KIRREL3: variants seen among roughly 807,000 people sequenced by gnomAD.
KIRREL3 encodes the protein kirre like nephrin family adhesion molecule 3, also known as kin of IRRE-like protein 3.
Under a neutral mutation model 89.7 loss-of-function variants are expected in KIRREL3, and 36 were observed. That is an observed-to-expected ratio of 0.40 (90% CI 0.31 to 0.53). The LOEUF is 0.53. KIRREL3 is among the 20% of genes least tolerant of loss of function. The pLI is 0.49. For synonymous variants in KIRREL3, 445 were observed against 441.4 expected (o/e 1.01, Z -0.10); for missense variants, 864 against 1,056.6 (o/e 0.82, Z 2.53).
intron 1 of KIRREL3, among the ~76,000 whole-genome samples, chr11:126,595,171 C>A (rs1268162023): frequency 6.6e-6 from 1 of 152,384 alleles, no homozygotes; most frequent in Admixed American, 6.5e-5. Flanking sequence ...GGCTCTTAAC[C>A]CACTTGTGGA....
chr11:126,677,728 C>T lies in KIRREL3; in HGVS notation c.56-114816G>A, dbSNP rs1243293874. On this transcript the variant is annotated intron_variant, in intron 1 of 16. Coordinates refer to ENST00000525144, the MANE Select transcript of KIRREL3 (RefSeq NM_032531.4). The surrounding 1 kb of genome is among the most constrained non-coding windows in gnomAD (Gnocchi z 5.1). ...CCCAGAATGAGTCCAGGGGAGCCCC[C>T]TGGACCAAAGCAGGACAGAGCTAAT... Among the ~76,000 whole-genome samples, 1 of 152,158 alleles carries T rather than the reference C, an allele frequency of 6.6e-6. No homozygotes were observed. The highest frequency in any genetic ancestry group is 1.5e-5 in the Non-Finnish European group (1 of 68,016).
rs1938685195 is a variant in KIRREL3, at chr11:126,544,969, A to G, written c.133+17866T>C. ...CAACATTGCCTTACGCAATCTAATA[A>G]ATTACTTGGTACCCGGCTGCCAGCT... On this transcript the variant is annotated intron_variant, in intron 2 of 16. Coordinates refer to ENST00000525144, the MANE Select transcript of KIRREL3 (RefSeq NM_032531.4). The surrounding 1 kb of genome is among the most constrained non-coding windows in gnomAD (Gnocchi z 5.6). Among the ~76,000 whole-genome samples the G allele has an allele frequency of 6.6e-6, 1 of 152,088 alleles. No individual in the cohort carries two copies. Among genetic ancestry groups the G allele is most frequent in the Non-Finnish European group, 1.5e-5 (1 of 68,018 alleles).
rs900396431 is a variant in KIRREL3, at chr11:126,995,042, T to C, written c.55+5413A>G. 6 of 374,200 alleles carry C rather than the reference T, an allele frequency of 1.6e-5. No individual in the cohort carries two copies. Among genetic ancestry groups the C allele is most frequent in the Non-Finnish European group, 2.1e-5 (4 of 188,508 alleles). The allele number at this position is 374,200 out of a possible 1,614,324, so 23.2% of individuals were successfully genotyped here. On this transcript the variant is annotated intron_variant, in intron 1 of 16. Coordinates refer to ENST00000525144, the MANE Select transcript of KIRREL3 (RefSeq NM_032531.4). The surrounding 1 kb of genome is among the most constrained non-coding windows in gnomAD (Gnocchi z 6.5). ...GCAGTCGATTCTCACATCATTCCTC[T>C]AACTGGAAATAAAAATCCCACTCTA... is the stretch of plus-strand genomic sequence containing the variant.
chr11:127,000,468 G>T lies in KIRREL3; in HGVS notation c.42C>A (p.Phe14Leu). 6.2e-7 allele frequency: 1 copy of T among 1,607,704 alleles called. No individual in the cohort carries two copies. Among genetic ancestry groups the T allele is most frequent in the Non-Finnish European group, 8.5e-7 (1 of 1,177,144 alleles). The change falls in exon 1 of 17, where the codon TTC becomes TTA. Residue 14 changes from phenylalanine (F) to leucine (L), a missense_variant. Physicochemically the swap from Phe to Leu is conservative, Grantham distance 22. Coordinates refer to ENST00000525144, the MANE Select transcript of KIRREL3 (RefSeq NM_032531.4). This position sits in a 1 kb window ranked among gnomAD's most constrained non-coding sequence, Gnocchi z 7.1. ...FQLDLLFVCF[F>L]LFSQELGLQK... is the part of the protein sequence containing the mutation. ...CAGGGGTCCTACCTTGACTGAAGAGGAAGAAGCAGACGAAGAGCAGATCGA... is the reference window on the plus strand; with the variant it reads ...CAGGGGTCCTACCTTGACTGAAGAGTAAGAAGCAGACGAAGAGCAGATCGA...
At position 126,991,711 on chromosome 11, in the gene KIRREL3, A is replaced by T. The variant is rs115304334; in HGVS notation, c.55+8744T>A. On this transcript the variant is annotated intron_variant, in intron 1 of 16. Transcript: ENST00000525144. This position sits in a 1 kb window ranked among gnomAD's most constrained non-coding sequence, Gnocchi z 5.8. ...TTCGAAGGTCAGACCTGGGATTCGG[A>T]TGCATGATTTTCATAGGAAACTCCC... Among the ~76,000 whole-genome samples, 915 of 152,302 alleles carry T rather than the reference A, an allele frequency of 6.0e-3. 6 individuals carry two copies. The highest frequency in any genetic ancestry group is 0.021 in the African/African-American group (857 of 41,558).
rs1950072470 is a variant in KIRREL3, at chr11:126,773,267, G to GTTAACCTCATCCT, written c.56-210356_56-210355insAGGATGAGGTTAA. ...ATGAGGTTAACACTCTTGAATCAGG[G>GTTAACCTCATCCT]GACTGAGTGAAGTCAATACAGTGTG... On this transcript the variant is annotated intron_variant, in intron 1 of 16. Transcript: ENST00000525144. The surrounding 1 kb of genome is among the most constrained non-coding windows in gnomAD (Gnocchi z 4.2). 6.6e-6 allele frequency among the ~76,000 whole-genome samples: 1 copy of GTTAACCTCATCCT among 152,140 alleles called. No homozygotes were observed. Among genetic ancestry groups the GTTAACCTCATCCT allele is most frequent in the African/African-American group, 2.4e-5 (1 of 41,434 alleles).
chr11:126,778,879 T>A lies in KIRREL3; in HGVS notation c.56-215967A>T, dbSNP rs7948711. 3.5e-4 allele frequency among the ~76,000 whole-genome samples: 53 copies of A among 152,190 alleles called. No individual in the cohort carries two copies. Among genetic ancestry groups the A allele is most frequent in the African/African-American group, 1.2e-3 (50 of 41,440 alleles). On this transcript the variant is annotated intron_variant, in intron 1 of 16. Transcript: ENST00000525144. The surrounding 1 kb of genome is among the most constrained non-coding windows in gnomAD (Gnocchi z 4.5). ...GTTATTTTATAGTCTACCAGGTAAATGTACGCAGTTTTGGTAAGATGAGCT... is the reference window on the plus strand; with the variant it reads ...GTTATTTTATAGTCTACCAGGTAAAAGTACGCAGTTTTGGTAAGATGAGCT...
chr11:126,564,594 A>C lies in KIRREL3; in HGVS notation c.56-1682T>G, dbSNP rs963023884. On this transcript the variant is annotated intron_variant, in intron 1 of 16. Coordinates refer to ENST00000525144, the MANE Select transcript of KIRREL3 (RefSeq NM_032531.4). This position sits in a 1 kb window ranked among gnomAD's most constrained non-coding sequence, Gnocchi z 7.4. ...GGCTTAGCCAAACCGCCCTCACTTCAAACGGTCTTACATCTCAGGCACCCA... is the reference window on the plus strand; with the variant it reads ...GGCTTAGCCAAACCGCCCTCACTTCCAACGGTCTTACATCTCAGGCACCCA... 6.6e-5 allele frequency among the ~76,000 whole-genome samples: 10 copies of C among 152,164 alleles called. No homozygotes were observed. The highest frequency in any genetic ancestry group is 1.5e-4 in the Non-Finnish European group (10 of 68,020).
rs916152360 is a variant in KIRREL3 at position 126,764,658 on chromosome 11, C to A, written c.56-201746G>T. ...TTAGTTAATCTTTGGTTAGCACATG[C>A]ACACGTGGGCACGTGCAAACTCTCT... On this transcript the variant is annotated intron_variant, in intron 1 of 16. Transcript: ENST00000525144. The surrounding 1 kb of genome is among the most constrained non-coding windows in gnomAD (Gnocchi z 4.2). 6.6e-6 allele frequency among the ~76,000 whole-genome samples: 1 copy of A among 152,208 alleles called. No homozygotes were observed. The highest frequency in any genetic ancestry group is 1.5e-5 in the Non-Finnish European group (1 of 68,044).
chr11:126,449,915 C>A (rs1314632781), intron 7 of KIRREL3, among the ~76,000 whole-genome samples: 1 of 152,248 alleles, frequency 6.6e-6, no homozygotes, highest in Non-Finnish European at 1.5e-5. Context: ...TCTGCCCTTG[C>A]AGCCTGGCTT....
rs917397526 is a variant in KIRREL3 at position 126,578,443 on chromosome 11, C to T, written c.56-15531G>A. 9.2e-5 allele frequency among the ~76,000 whole-genome samples: 14 copies of T among 152,192 alleles called. No individual in the cohort carries two copies. The highest frequency in any genetic ancestry group is 7.9e-4 in the Admixed American group (12 of 15,276). Reference sequence around the variant, plus strand: ...GTCTTGGCGTGAACTTCCACATGAACGTGACTCCGTGCCTACCTGCTAATA... The same window carrying T: ...GTCTTGGCGTGAACTTCCACATGAATGTGACTCCGTGCCTACCTGCTAATA... On this transcript the variant is annotated intron_variant, in intron 1 of 16. Coordinates refer to ENST00000525144, the MANE Select transcript of KIRREL3 (RefSeq NM_032531.4). This position sits in a 1 kb window ranked among gnomAD's most constrained non-coding sequence, Gnocchi z 4.9.
Position 126,492,418 on chromosome 11 carries a change from G to C in KIRREL3, c.434-18952C>G, listed in dbSNP as rs922115570. 6.6e-6 allele frequency among the ~76,000 whole-genome samples: 1 copy of C among 152,156 alleles called. No homozygotes were observed. The highest frequency in any genetic ancestry group is 2.4e-5 in the African/African-American group (1 of 41,444). ...CCCCTCTCAGCCCCTGTCCACTCAA[G>C]TACTTCCTCATTAGTTTTGCTGAAG... On this transcript the variant is annotated intron_variant, in intron 4 of 16. Transcript: ENST00000525144. The surrounding 1 kb of genome is among the most constrained non-coding windows in gnomAD (Gnocchi z 4.8).
rs1325464646 is a variant in KIRREL3, at chr11:126,561,569, G to C, written c.133+1266C>G. On this transcript the variant is annotated intron_variant, in intron 2 of 16. Transcript: ENST00000525144. The surrounding 1 kb of genome is among the most constrained non-coding windows in gnomAD (Gnocchi z 4.5). ...AGGCAGTGGTGTTGGGGAGGGAAGG[G>C]GAGGCTGAGAAAGAGAAAAGTCAGT... Among the ~76,000 whole-genome samples the C allele has an allele frequency of 6.6e-6, 1 of 152,230 alleles. No homozygotes were observed. The highest frequency in any genetic ancestry group is 1.5e-5 in the Non-Finnish European group (1 of 68,048).
chr11:126,717,817 T>C (rs1360225265), intron 1 of KIRREL3, among the ~76,000 whole-genome samples: 1 of 152,212 alleles, frequency 6.6e-6, no homozygotes, highest in African/African-American at 2.4e-5. Flanking sequence ...TGCGCTGATG[T>C]GTGGCATATC....
chr11:126,774,850 C>T (rs888161019), intron 1 of KIRREL3, among the ~76,000 whole-genome samples: 11 of 152,112 alleles, frequency 7.2e-5, no homozygotes, highest in Non-Finnish European at 1.6e-4. Context: ...TCCTGCTGAG[C>T]CCAGCTTCAT....
intron 1 of KIRREL3, among the ~76,000 whole-genome samples, chr11:126,567,737 G>A (rs910316190): frequency 4.0e-5 from 6 of 150,228 alleles, no homozygotes; most frequent in African/African-American, 1.5e-4. Flanking sequence ...GGCACCCAGC[G>A]GCAAGCTGGG....
chr11:126,465,417 G>A (rs1490095578), intron 5 of KIRREL3, among the ~76,000 whole-genome samples: 2 of 152,164 alleles, frequency 1.3e-5, no homozygotes, highest in Non-Finnish European at 2.9e-5. Context: ...CTGCAGCCCC[G>A]GGGGTGCTGG....
At chr11:126,693,607 C>CCA (rs34918602) in intron 1 of KIRREL3, among the ~76,000 whole-genome samples, 3,456 of 149,404 alleles carry the variant, frequency 0.023, 77 homozygotes, top group African/African-American at 0.059. Flanking sequence ...GTGCCTGTGA[C>CCA]CACACACACA....
intron 7 of KIRREL3, among the ~76,000 whole-genome samples, chr11:126,449,666 G>C (rs1489527084): frequency 6.6e-6 from 1 of 152,260 alleles, no homozygotes; most frequent in Admixed American, 6.5e-5. Flanking sequence ...GCGAGAAGCT[G>C]TAGGAGAGGT....
Sources: allele counts gnomAD v4.1 joint callset (sites outside exome capture counted in the v4.1 genomes callset), GRCh38; gene constraint gnomAD v4.1.1; non-coding constraint Gnocchi (gnomAD v3.1); transcripts MANE v1.5; gene names NCBI Gene and HGNC (gene_info 2026-07-23, HGNC 2026-07-21).